Variants in NTM observed in about 807,000 individuals in gnomAD.
NTM encodes the protein IgLON family member 2.
Under a neutral mutation model 42.1 loss-of-function variants are expected in NTM, and 13 were observed. That is an observed-to-expected ratio of 0.31 (90% CI 0.20 to 0.49). The LOEUF (loss-of-function observed/expected upper bound fraction) is 0.49. Ranked by LOEUF, NTM falls within the 20% of genes least tolerant of loss-of-function variation. The pLI is 0.99. For synonymous variants in NTM, 187 were observed against 179.2 expected (o/e 1.04, Z -0.35); for missense variants, 373 against 452.8 (o/e 0.82, Z 1.60).
chr11:131,974,411 G>C (rs2064009923), intron 2 of NTM, among the ~76,000 whole-genome samples: 2 of 152,174 alleles, frequency 1.3e-5, no homozygotes, highest in African/African-American at 4.8e-5. Flanking sequence ...TAGCACCTCA[G>C]AATATTTGTC....
intron 1 of NTM, among the ~76,000 whole-genome samples, chr11:131,757,374 T>C (rs573406736): frequency 1.3e-5 from 2 of 152,244 alleles, no homozygotes; most frequent in Admixed American, 6.5e-5. Context: ...GAGTCATGCA[T>C]GGACTCCAAC....
chr11:131,578,230 A>C (rs1042602278), intron 1 of NTM, among the ~76,000 whole-genome samples: 4 of 152,234 alleles, frequency 2.6e-5, no homozygotes, highest in African/African-American at 9.6e-5. Context: ...GCCATATCTA[A>C]GATAATGGAA....
intron 1 of NTM, among the ~76,000 whole-genome samples, chr11:131,789,629 A>G (rs1203432588): frequency 2.7e-4 from 24 of 89,158 alleles, no homozygotes; most frequent in Non-Finnish European, 4.5e-4. Context: ...GAAGAAGAAG[A>G]AGAAGAAAAG....
chr11:131,583,969 C>G (rs535720502), intron 1 of NTM, among the ~76,000 whole-genome samples: 1 of 152,282 alleles, frequency 6.6e-6, no homozygotes, highest in East Asian at 1.9e-4. Flanking sequence ...GAAGCTCTCT[C>G]CTCCTGTCTA....
chr11:131,553,764 G>A (rs555916916), intron 1 of NTM, among the ~76,000 whole-genome samples: 6 of 152,206 alleles, frequency 3.9e-5, no homozygotes, highest in Admixed American at 3.3e-4. Context: ...GGACCCTCCC[G>A]AAATGCAAAG....
chr11:131,480,720 G>T (rs550375610), intron 1 of NTM, among the ~76,000 whole-genome samples: 1 of 152,122 alleles, frequency 6.6e-6, no homozygotes, highest in African/African-American at 2.4e-5. Context: ...TCCTGAGTAA[G>T]GGGGCGTGGG....
chr11:132,267,796 C>G (rs1399173983), intron 4 of NTM, among the ~76,000 whole-genome samples: 1 of 150,990 alleles, frequency 6.6e-6, no homozygotes, highest in South Asian at 2.1e-4. Context: ...GAGCCGAGAT[C>G]GCTCCATTGC....
chr11:131,828,432 C>G (rs555560537), intron 1 of NTM, among the ~76,000 whole-genome samples: 1 of 152,116 alleles, frequency 6.6e-6, no homozygotes, highest in African/African-American at 2.4e-5. Flanking sequence ...ATCATCACCA[C>G]CACCACAACT....
chr11:132,030,035 G>A (rs1055872903), intron 2 of NTM, among the ~76,000 whole-genome samples: 40 of 151,950 alleles, frequency 2.6e-4, no homozygotes, highest in African/African-American at 9.7e-4. Context: ...TTATTGTTTT[G>A]TCTTATTGAG....
intron 2 of NTM, among the ~76,000 whole-genome samples, chr11:131,979,525 T>C (rs1211082930): frequency 6.6e-6 from 1 of 152,212 alleles, no homozygotes; most frequent in African/African-American, 2.4e-5. Flanking sequence ...GCTATGGAAA[T>C]GCAATTAAAA....
intron 2 of NTM, among the ~76,000 whole-genome samples, chr11:131,978,312 A>G (rs560070963): frequency 2.0e-5 from 3 of 152,316 alleles, no homozygotes; most frequent in Admixed American, 2.0e-4. Context: ...ATTTTATTAC[A>G]TATTTTTCTT....
intron 2 of NTM, among the ~76,000 whole-genome samples, chr11:131,967,621 C>A (rs1023938279): frequency 6.6e-5 from 10 of 152,176 alleles, no homozygotes; most frequent in Non-Finnish European, 1.5e-5. Context: ...ACTTCCCTTT[C>A]ACTCAGTTCA....
At chr11:132,186,753 A>G (rs2078461606) in intron 3 of NTM, among the ~76,000 whole-genome samples, 2 of 152,200 alleles carry the variant, frequency 1.3e-5, no homozygotes, top group Non-Finnish European at 2.9e-5. Context: ...AGTTTTATAA[A>G]TGGAGCAAAT....
intron 1 of NTM, among the ~76,000 whole-genome samples, chr11:131,890,162 C>CTCTGTA (rs1302888099): frequency 4.5e-4 from 67 of 147,448 alleles, no homozygotes; most frequent in African/African-American, 1.1e-3. Flanking sequence ...CTCTGTCTCT[C>CTCTGTA]TCTCTCTCTC....
intron 3 of NTM, among the ~76,000 whole-genome samples, chr11:132,150,693 C>T (rs1171852190): frequency 6.6e-6 from 1 of 152,150 alleles, no homozygotes; most frequent in Non-Finnish European, 1.5e-5. Flanking sequence ...TTAGCTTAGA[C>T]AGAGAAGAGT....
At chr11:131,911,764 C>T in intron 2 of NTM, 116 bp downstream of exon 2, 2 of 1,302,276 alleles carry the variant, frequency 1.5e-6, no homozygotes, top group Non-Finnish European at 2.2e-6. Flanking sequence ...TCGCTGGTTC[C>T]CTGGGCTGCA....
At chr11:131,481,470 A>G (rs1953580627) in intron 1 of NTM, among the ~76,000 whole-genome samples, 1 of 152,206 alleles carries the variant, frequency 6.6e-6, no homozygotes, top group Non-Finnish European at 1.5e-5. Context: ...GGTGGAGAAG[A>G]AGGGGGAGAA....
intron 1 of NTM, among the ~76,000 whole-genome samples, chr11:131,475,965 T>C (rs1022130462): frequency 2.0e-5 from 3 of 152,070 alleles, no homozygotes; most frequent in African/African-American, 7.2e-5. Context: ...ATCCTTGCCT[T>C]GGGTATTTAC....
chr11:131,909,733 T>A (rs990086295), intron 1 of NTM: 1 of 152,178 alleles, frequency 6.6e-6, no homozygotes, highest in Non-Finnish European at 1.5e-5. Flanking sequence ...GAAATAATAA[T>A]ACAGGCACAG....
Sources: allele counts gnomAD v4.1 joint callset (sites outside exome capture counted in the v4.1 genomes callset), GRCh38; gene constraint gnomAD v4.1.1; transcripts MANE v1.5; gene names NCBI Gene and HGNC (gene_info 2026-07-23, HGNC 2026-07-21).